ZZEF1: variants seen among roughly 807,000 people sequenced by gnomAD.
ZZEF1 encodes zinc finger ZZ-type and EF-hand domain-containing protein 1.
Under a neutral mutation model 342.8 loss-of-function variants are expected in ZZEF1, and 157 were observed. That is an observed-to-expected ratio of 0.46 (90% CI 0.40 to 0.52). The LOEUF is 0.52. ZZEF1 is among the 20% of genes least tolerant of loss of function. ZZEF1 has a pLI of 0.00. For missense variants in ZZEF1, 3,480 were observed against 3,725.6 expected (o/e 0.93, Z 1.72); for synonymous variants, 1,505 against 1,429.1 (o/e 1.05, Z -1.20).
chr17:4,088,801 T>G lies in ZZEF1; in HGVS notation c.2118A>C (p.Ala706=). 6.2e-7 allele frequency: 1 copy of G among 1,614,200 alleles called. No homozygotes were observed. The highest frequency in any genetic ancestry group is 8.5e-7 in the Non-Finnish European group (1 of 1,180,032). ...TGACGCTCTGTTCTGCTTCTGCTCT[T>G]GCAGGCCGGAGGTACCCACTGATGG... ...GLTISGYLRP[A]RAEAEQSVTC... Residue 706 remains alanine (A), a synonymous_variant, in exon 13 of 55, where the codon GCA becomes GCC. Coordinates refer to ENST00000381638, the MANE Select transcript of ZZEF1 (RefSeq NM_015113.4).
intron 6 of ZZEF1, among the ~76,000 whole-genome samples, chr17:4,106,603 T>C (rs1007491292): frequency 6.6e-6 from 1 of 152,230 alleles, no homozygotes; most frequent in African/African-American, 2.4e-5. Flanking sequence ...ATTCCTGCCA[T>C]GTTTCTTGGC....
intron 38 of ZZEF1, 105 bp from the exon 39 acceptor site, chr17:4,042,673 G>T: frequency 8.3e-7 from 1 of 1,210,614 alleles, no homozygotes; most frequent in East Asian, 2.6e-5. Context: ...ATAAAGCTGG[G>T]ATTTTATTCA....
chr17:4,028,300 G>C (rs375153349), intron 42 of ZZEF1, among the ~76,000 whole-genome samples: 4 of 152,134 alleles, frequency 2.6e-5, no homozygotes, highest in East Asian at 3.8e-4. Context: ...TGTAATCCCA[G>C]CAATTTGGGA....
At chr17:4,009,546 C>G in intron 53 of ZZEF1, 58 bp downstream of exon 53, 1 of 1,606,690 alleles carries the variant, frequency 6.2e-7, no homozygotes, top group Non-Finnish European at 8.5e-7. Context: ...CCCTGGGTAG[C>G]AGAGGGAGCA....
Position 4,016,180 on chromosome 17 carries a change from G to T in ZZEF1, c.8145+143C>A. 1 of 966,850 alleles carries T rather than the reference G, an allele frequency of 1.0e-6. No homozygotes were observed. The highest frequency in any genetic ancestry group is 1.5e-6 in the Non-Finnish European group (1 of 660,700). 59.9% of individuals were successfully genotyped at this position (966,850 alleles called of 1,614,324 possible). A position where few individuals can be genotyped will look rare whatever the true frequency, so the allele number is the denominator to read the frequency against. ...GGGAGGCAGACTGCAGTTTGTTCAA[G>T]GAAGCACTTTCCTGGACAGGTCTCT... On this transcript the variant is annotated intron_variant, in intron 49 of 54. Coordinates refer to ENST00000381638, the MANE Select transcript of ZZEF1 (RefSeq NM_015113.4). The surrounding 1 kb of genome is among the most constrained non-coding windows in gnomAD (Gnocchi z 4.4).
At chr17:4,033,748 G>A (rs983633570) in intron 40 of ZZEF1, 5 of 488,494 alleles carry the variant, frequency 1.0e-5, no homozygotes, top group South Asian at 2.7e-5. Flanking sequence ...CACACTTACC[G>A]CTCATTAAAA....
At chr17:4,007,101 C>A in intron 54 of ZZEF1, 131 bp from the exon 55 acceptor site, 3 of 745,374 alleles carry the variant, frequency 4.0e-6, no homozygotes, top group Middle Eastern at 3.4e-4. Context: ...TCCCCTCCCC[C>A]ACAGGCCTGC....
intron 45 of ZZEF1, 125 bp from the exon 46 acceptor site, chr17:4,019,894 T>C (rs111868193): frequency 1.6e-6 from 1 of 630,870 alleles, no homozygotes; most frequent in Non-Finnish European, 2.6e-6. Flanking sequence ...TTGAGGAACA[T>C]TATATGGGTA....
chr17:4,042,381 C>T (rs372661719), intron 39 of ZZEF1, 48 bp downstream of exon 39: 12 of 1,577,338 alleles, frequency 7.6e-6, no homozygotes, highest in East Asian at 2.2e-5. Context: ...CCAAAACCTT[C>T]TTCTATGCAT....
chr17:4,075,000 T>C (rs972952124), intron 23 of ZZEF1, 97 bp downstream of exon 23: 1 of 1,181,354 alleles, frequency 8.5e-7, no homozygotes, highest in Non-Finnish European at 1.2e-6. Context: ...CATAAATGCC[T>C]CCCTTCAAAG....
At position 4,014,170 on chromosome 17, in the gene ZZEF1, C is replaced by T. The variant is rs768488786; in HGVS notation, c.8333G>A (p.Arg2778His). 12 of 1,613,992 alleles carry T rather than the reference C, an allele frequency of 7.4e-6. No individual in the cohort carries two copies. The highest frequency in any genetic ancestry group is 9.3e-6 in the Non-Finnish European group (11 of 1,180,042). ...GGTGTTGCTCATGTCGGAGGTGAAG[C>T]GGTAATACAGAGTGTCTCCTAGGCA... The part of the protein sequence containing the change: ...FELPGDTLYY[R>H]FTSDMSNTEW... The change falls in exon 51 of 55, where the codon CGC becomes CAC. Residue 2778 changes from arginine (R) to histidine (H), a missense_variant. Arg to His is a conservative substitution (Grantham distance 29). Around this residue, in one of 5 missense-constraint regions of ZZEF1, gnomAD observed 1,269 missense variants for 1,342.4 expected, o/e 0.95. Transcript: ENST00000381638. The surrounding 1 kb of genome is among the most constrained non-coding windows in gnomAD (Gnocchi z 4.4).
intron 1 of ZZEF1, among the ~76,000 whole-genome samples, chr17:4,132,859 G>A (rs1041729983): frequency 4.6e-5 from 7 of 151,986 alleles, no homozygotes; most frequent in Non-Finnish European, 4.4e-5. Flanking sequence ...CCAGCTACTC[G>A]GGAGACTGAG....
At chr17:4,030,442 C>T (rs1319347804) in intron 42 of ZZEF1, among the ~76,000 whole-genome samples, 1 of 152,108 alleles carries the variant, frequency 6.6e-6, no homozygotes. Context: ...AGGACATAAC[C>T]CCATTATAAA....
chr17:4,086,557 T>C lies in ZZEF1; in HGVS notation c.2441A>G (p.Glu814Gly). 1 of 1,614,150 alleles carries C rather than the reference T, an allele frequency of 6.2e-7. No homozygotes were observed. The change falls in exon 15 of 55, where the codon GAG (glutamate) becomes GGG (glycine). Residue 814 changes from glutamate to glycine, a missense_variant. Physicochemically the swap from Glu to Gly is moderately conservative, Grantham distance 98. Coordinates refer to ENST00000381638, the MANE Select transcript of ZZEF1 (RefSeq NM_015113.4). ...AGGGCTTTGGATTGGAGCCTTTTCC[T>C]CCTCAGAAGCAGCCAGTACATCTCC... ...LQGDVLAASE[E>G]EKAPIQSPKG...
chr17:4,024,186 GTTTTTT>G (rs754985234), intron 43 of ZZEF1, among the ~76,000 whole-genome samples: 113 of 94,422 alleles, frequency 1.2e-3, no homozygotes, highest in African/African-American at 3.6e-3. Context: ...TATTGCCCAG[GTTTTTT>G]TTTTTTTTTT....
intron 32 of ZZEF1, 142 bp downstream of exon 32, chr17:4,057,852 G>T: frequency 1.3e-6 from 1 of 754,070 alleles, no homozygotes. Flanking sequence ...ACTTGCGCAA[G>T]GCCACTCGGC....
At chr17:4,018,241 T>A (rs74315833) in intron 46 of ZZEF1, among the ~76,000 whole-genome samples, 2,483 of 152,300 alleles carry the variant, frequency 0.016, 29 homozygotes, top group African/African-American at 0.035. Context: ...ATTTAAATGT[T>A]TTATTTTCAT....
chr17:4,054,661 T>G (rs541498293), intron 33 of ZZEF1, among the ~76,000 whole-genome samples: 1 of 152,232 alleles, frequency 6.6e-6, no homozygotes, highest in Admixed American at 6.5e-5. Flanking sequence ...AAGAGTCAGA[T>G]GAAGAGAGAA....
chr17:4,094,506 A>G (rs1436746853), intron 11 of ZZEF1, among the ~76,000 whole-genome samples: 1 of 152,100 alleles, frequency 6.6e-6, no homozygotes, highest in Admixed American at 6.6e-5. Flanking sequence ...CTTCAGCACA[A>G]ACTTCTCTTC....
Sources: gnomAD v4.1 joint callset for allele counts (sites outside exome capture counted in the v4.1 genomes callset) on GRCh38, gnomAD v4.1.1 for gene constraint, gnomAD v4.1.1 regional missense constraint, Gnocchi (gnomAD v3.1) non-coding constraint, MANE v1.5 for transcripts, NCBI Gene and HGNC (gene_info 2026-07-23, HGNC 2026-07-21) for gene names.